IRAK1: variants seen among roughly 807,000 people sequenced by gnomAD.
IRAK1 encodes interleukin 1 receptor associated kinase 1.
In IRAK1, 9 loss-of-function variants were observed where a neutral mutation model predicts 49.8. The ratio of observed to expected loss-of-function variants is 0.18; its 90% CI spans 0.11 to 0.32. The LOEUF (loss-of-function observed/expected upper bound fraction) is 0.32. Ranked by LOEUF, IRAK1 falls within the 10% of genes least tolerant of loss-of-function variation. The pLI is 1.00. For synonymous variants in IRAK1, 282 were observed against 270.8 expected (o/e 1.04, Z -0.41); for missense variants, 418 against 600.5 (o/e 0.70, Z 3.18).
chrX:154,014,528 C>A (rs372049300), intron 10 of IRAK1, among the ~76,000 whole-genome samples: 7 of 110,734 alleles, frequency 6.3e-5, no homozygotes, highest in African/African-American at 2.3e-4. Context: ...CTACAACTTA[C>A]TTTTTTTCTG....
In IRAK1 at chrX:154,011,766, G is replaced by T; in HGVS notation, c.*93C>A. 1 of 926,534 alleles carries T rather than the reference G, an allele frequency of 1.1e-6. No homozygotes were observed. Among genetic ancestry groups the T allele is most frequent in the Non-Finnish European group, 1.6e-6 (1 of 635,551 alleles). 76.4% of individuals were successfully genotyped at this position (926,534 alleles called of 1,213,427 possible). A position where few individuals can be genotyped will look rare whatever the true frequency, so the allele number is the denominator to read the frequency against. On this transcript the variant is annotated 3_prime_UTR_variant, in exon 14 of 14. Transcript: ENST00000369980. ...GCGGGCATGGGCCCCCACCCCCACT[G>T]CCGGCAGAGTGCTGAGGACTCGTGC...
In IRAK1 at chrX:154,017,143, C is replaced by T. The variant is rs7059327; in HGVS notation, c.910-76G>A. On this transcript the variant is annotated intron_variant, in intron 7 of 13. Transcript: ENST00000369980. ...TCCCAACCATCCTTCTACCTGTCACCGTGCAGCCTGGAACAGCCACTTCAC... is the reference window on the plus strand; with the variant it reads ...TCCCAACCATCCTTCTACCTGTCACTGTGCAGCCTGGAACAGCCACTTCAC... 58 of 659,839 alleles carry T rather than the reference C, an allele frequency of 8.8e-5. No homozygotes were observed. In the African/African-American group the frequency reaches 1.1e-3, roughly 13 times the overall value. 54.4% of individuals were successfully genotyped at this position (659,839 alleles called of 1,213,427 possible). A position where few individuals can be genotyped will look rare whatever the true frequency, so the allele number is the denominator to read the frequency against.
intron 7 of IRAK1, 37 bp from the exon 8 acceptor site, chrX:154,017,104 T>C: frequency 1.1e-6 from 1 of 900,935 alleles, no homozygotes; most frequent in African/African-American, 1.9e-5. Context: ...GGTTGCTGGA[T>C]GGCCGTTCCT....
Position 154,010,715 on chromosome X carries a change from GA to G in IRAK1, c.*1143del. Reference sequence around the variant, plus strand: ...GACATGTGATACATGTCTTTTCCCTGAAAATGTTTCCCTTCCCTGTCTGCCA... The same window carrying G: ...GACATGTGATACATGTCTTTTCCCTGAAATGTTTCCCTTCCCTGTCTGCCA... On this transcript the variant is annotated 3_prime_UTR_variant, in exon 14 of 14. Coordinates refer to ENST00000369980, the MANE Select transcript of IRAK1 (RefSeq NM_001569.4). The G allele has an allele frequency of 4.2e-6, 1 of 237,809 alleles. No homozygotes were observed. The highest frequency in any genetic ancestry group is 4.5e-5 in the South Asian group (1 of 22,020). The allele number at this position is 237,809 out of a possible 1,213,427, so 19.6% of individuals were successfully genotyped here.
chrX:154,017,471 G>A (rs782736574), intron 7 of IRAK1, among the ~76,000 whole-genome samples: 1 of 112,355 alleles, frequency 8.9e-6, no homozygotes, highest in African/African-American at 3.2e-5. Flanking sequence ...TGCTTGCAAA[G>A]GGGAGAGGCC....
In IRAK1 at chrX:154,019,026, G is replaced by A. The variant is rs782406958; in HGVS notation, c.489C>T (p.Ser163=). The A allele has an allele frequency of 5.8e-6, 7 of 1,209,964 alleles. No homozygotes were observed. The highest frequency in any genetic ancestry group is 7.8e-6 in the Non-Finnish European group (7 of 894,470). ...GCGGTGGAGGCCACAGGGAAGCAGG[G>A]CTTGGGACCAGGCCGAGCTCAGGCC... ...HSGPELGLVP[S]PASLWPPPPS... is the part of the protein sequence containing the mutation. Residue 163 remains serine, a synonymous_variant, in exon 4 of 14, where the codon AGC becomes AGT. Transcript: ENST00000369980.
intron 5 of IRAK1, 100 bp downstream of exon 5, chrX:154,018,499 G>A (rs2148642727): frequency 1.1e-6 from 1 of 903,423 alleles, no homozygotes; most frequent in African/African-American, 1.9e-5. Flanking sequence ...CCAGAATGAG[G>A]GCTGAAGGAG....
chrX:154,014,740 G>C (rs1364225063), intron 10 of IRAK1, among the ~76,000 whole-genome samples: 1 of 112,136 alleles, frequency 8.9e-6, no homozygotes, highest in African/African-American at 3.2e-5. Flanking sequence ...TCCTGCCTCA[G>C]ATTCCCGAGT....
rs1229047441 is a variant in IRAK1, at chrX:154,017,063, T to G, written c.914A>C (p.Gln305Pro). The G allele has an allele frequency of 2.5e-6, 3 of 1,183,541 alleles. No homozygotes were observed. Among genetic ancestry groups the G allele is most frequent in the Non-Finnish European group, 3.4e-6 (3 of 870,889 alleles). Residue 305 changes from glutamine to proline, a missense_variant, in exon 8 of 14, where the codon CAG (glutamine) becomes CCG (proline). Physicochemically the swap from Gln to Pro is moderately conservative, Grantham distance 76 (BLOSUM62 -1). This residue lies in a region of IRAK1 where 377 missense variants were observed against 499.5 expected (regional missense o/e 0.75). Coordinates refer to ENST00000369980, the MANE Select transcript of IRAK1 (RefSeq NM_001569.4). ...SLEDRLHCQT[Q>P]ACPPLSWPQR... ...AGGCCAGGAGAGAGGTGGGCAGGCC[T>G]GGGTCTGGGGTGGCAAAGGGGGACA... is the stretch of plus-strand genomic sequence containing the variant.
intron 12 of IRAK1, 56 bp downstream of exon 12, chrX:154,012,987 G>T: frequency 2.5e-6 from 3 of 1,177,294 alleles, no homozygotes; most frequent in South Asian, 3.7e-5. Flanking sequence ...GACTTACAGG[G>T]GCTTTGGCCC....
chrX:154,013,117 C>T lies in IRAK1; in HGVS notation c.1856G>A (p.Gly619Asp). Reference sequence around the variant, plus strand: ...TCCTGCCGTGTCCCCCTGAGGACAGCCGGCCTCCCTGAGGGGTGCTGGGTC... The same window carrying T: ...TCCTGCCGTGTCCCCCTGAGGACAGTCGGCCTCCCTGAGGGGTGCTGGGTC... ...PLDPAPLREA[G>D]CPQGDTAGES... Residue 619 changes from glycine (G) to aspartate (D), a missense_variant, in exon 12 of 14, where the codon GGC (glycine) becomes GAC (aspartate). By Grantham distance (94) the Gly-to-Asp change is moderately conservative. Transcript: ENST00000369980. The T allele has an allele frequency of 8.3e-7, 1 of 1,209,664 alleles. No individual in the cohort carries two copies. Among genetic ancestry groups the T allele is most frequent in the Non-Finnish European group, 1.1e-6 (1 of 895,173 alleles).
At chrX:154,019,355 G>T (rs782706463) in intron 2 of IRAK1, 27 bp from the exon 3 acceptor site, 1 of 1,147,454 alleles carries the variant, frequency 8.7e-7, no homozygotes, top group Non-Finnish European at 1.2e-6. Flanking sequence ...GGAAAGGAAG[G>T]TTGAGGCCCG....
At chrX:154,017,887 C>G in intron 7 of IRAK1, 119 bp downstream of exon 7, 1 of 506,854 alleles carries the variant, frequency 2.0e-6, no homozygotes, top group East Asian at 3.7e-5. Context: ...AAGTGCAGGC[C>G]TGGCCTGCTG....
rs931073457 is a variant in IRAK1, at chrX:154,011,254, G to A, written c.*605C>T. ...CGTGCGCTACCACGCCAGGCTAATA[G>A]TTTAAAAAATTTTTTGGCAGAGACA... On this transcript the variant is annotated 3_prime_UTR_variant, in exon 14 of 14. Transcript: ENST00000369980. 5 of 260,282 alleles carry A rather than the reference G, an allele frequency of 1.9e-5. No homozygotes were observed. The highest frequency in any genetic ancestry group is 2.9e-5 in the Non-Finnish European group (4 of 138,014). The allele number at this position is 260,282 out of a possible 1,213,427, so 21.5% of individuals were successfully genotyped here.
rs371390455 is a variant in IRAK1 at position 154,013,194 on chromosome X, G to A, written c.1779C>T (p.Gly593=). 3.1e-5 allele frequency: 37 copies of A among 1,208,719 alleles called. No individual in the cohort carries two copies. In the African/African-American group the frequency reaches 5.4e-4, roughly 18 times the overall value. The stretch of plus-strand genomic sequence containing the variant: ...AGGAGCGCAGGGCAGCAGAGAGGCC[G>A]CCTAGGCTCTCGTCACTCTCCACGG... The part of the protein sequence containing the change: ...NQPVESDESL[G]GLSAALRSWH... The change falls in exon 12 of 14, where the codon GGC becomes GGT. Residue 593 remains glycine (G), a synonymous_variant. Transcript: ENST00000369980.
rs1557127398 is a variant in IRAK1, at chrX:154,011,439, C to A, written c.*420G>T. 3.8e-6 allele frequency: 1 copy of A among 260,066 alleles called. No homozygotes were observed. Among genetic ancestry groups the A allele is most frequent in the East Asian group, 9.7e-5 (1 of 10,301 alleles). The allele number at this position is 260,066 out of a possible 1,213,427, so 21.4% of individuals were successfully genotyped here. ...TAGGAGGGCCCTAGGCCTCGTCGGC[C>A]CCATTGTGCAGGGTGGCCACTGTCC... On this transcript the variant is annotated 3_prime_UTR_variant, in exon 14 of 14. Coordinates refer to ENST00000369980, the MANE Select transcript of IRAK1 (RefSeq NM_001569.4).
At position 154,019,610 on chromosome X, in the gene IRAK1, G is replaced by T. The variant is rs1557130916; in HGVS notation, c.137-12C>A. ...CACGATCAGGGCGGCTGCGGGGCGG[G>T]GGGCGTCAGGCGTCGGCGCCAGGAG... On this transcript the variant is annotated splice_polypyrimidine_tract_variant and intron_variant, in intron 1 of 13. Coordinates refer to ENST00000369980, the MANE Select transcript of IRAK1 (RefSeq NM_001569.4). 4 of 992,604 alleles carry T rather than the reference G, an allele frequency of 4.0e-6. No homozygotes were observed. The highest frequency in any genetic ancestry group is 5.1e-6 in the Non-Finnish European group (4 of 790,637). 81.8% of individuals were successfully genotyped at this position (992,604 alleles called of 1,213,427 possible). A position where few individuals can be genotyped will look rare whatever the true frequency, so the allele number is the denominator to read the frequency against.
chrX:154,013,914 A>C, intron 11 of IRAK1, 128 bp downstream of exon 11: 1 of 947,076 alleles, frequency 1.1e-6, no homozygotes, highest in Non-Finnish European at 1.4e-6. Flanking sequence ...ACAGAACCAA[A>C]GGGCAAGCAA....
At chrX:154,018,236 T>G in intron 6 of IRAK1, 55 bp downstream of exon 6, 1 of 1,068,412 alleles carries the variant, frequency 9.4e-7, no homozygotes, top group Non-Finnish European at 1.3e-6. Context: ...CCAGGTCCTG[T>G]GGTGTGCGGT....
Sources: gnomAD v4.1 joint callset for allele counts (sites outside exome capture counted in the v4.1 genomes callset) on GRCh38, gnomAD v4.1.1 for gene constraint, gnomAD v4.1.1 regional missense constraint, MANE v1.5 for transcripts, NCBI Gene and HGNC (gene_info 2026-07-23, HGNC 2026-07-21) for gene names.